The following AP2B1 variants were observed in gnomAD, a reference collection of about 807,000 sequenced individuals.
AP2B1 encodes the protein adaptor related protein complex 2 subunit beta 1.
A neutral mutation model predicts 102.0 loss-of-function variants in AP2B1; 23 were observed. The ratio of observed to expected loss-of-function variants is 0.23; its 90% confidence interval spans 0.16 to 0.32. The LOEUF (loss-of-function observed/expected upper bound fraction) is 0.32. Among genes scored for constraint, AP2B1 ranks in the 10% least tolerant of loss-of-function variants. The pLI, the probability that AP2B1 is intolerant of heterozygous loss-of-function variation, is 1.00. For synonymous variants in AP2B1, 381 were observed against 421.2 expected, an observed-to-expected ratio of 0.90 and a Z score of 1.17; for missense variants, 541 against 1,157.4, an observed-to-expected ratio of 0.47 and a Z score of 7.73.
intron 5 of AP2B1, among the ~76,000 whole-genome samples, chr17:35,622,885 C>T (rs547277772): frequency 1.3e-4 from 20 of 152,026 alleles, no homozygotes; most frequent in African/African-American, 4.3e-4. Flanking sequence ...AGGCTGGTCT[C>T]GAACTCCTGA....
chr17:35,720,141 A>G (rs1220892012), intron 21 of AP2B1, among the ~76,000 whole-genome samples: 2 of 152,176 alleles, frequency 1.3e-5, no homozygotes, highest in African/African-American at 4.8e-5. Context: ...AGGTGGCCCA[A>G]AAAGAGTGCT....
chr17:35,651,992 G>GT (rs2075098612), intron 13 of AP2B1, among the ~76,000 whole-genome samples: 1 of 152,178 alleles, frequency 6.6e-6, no homozygotes, highest in African/African-American at 2.4e-5. Context: ...AACCGTGTTT[G>GT]TATCTAGCCT....
chr17:35,590,032 TCTC>T (rs1216853423), intron 1 of AP2B1, among the ~76,000 whole-genome samples: 4 of 150,920 alleles, frequency 2.7e-5, no homozygotes, highest in Non-Finnish European at 4.4e-5. Flanking sequence ...TTCACACCAT[TCTC>T]CTGTCTCAGC....
At chr17:35,642,003 T>G (rs2074795704) in intron 12 of AP2B1, 28 bp downstream of exon 12, 2 of 1,523,056 alleles carry the variant, frequency 1.3e-6, no homozygotes, top group Non-Finnish European at 9.1e-7. Flanking sequence ...AGCAAGATGT[T>G]GATTTGTCTT....
At chr17:35,708,360 G>GCA (rs782414030) in intron 18 of AP2B1, among the ~76,000 whole-genome samples, 26 of 152,008 alleles carry the variant, frequency 1.7e-4, no homozygotes, top group Admixed American at 6.6e-5. Flanking sequence ...GCCTTATGAT[G>GCA]TGCTGCTGTG....
chr17:35,708,504 G>A (rs1180082796), intron 18 of AP2B1, among the ~76,000 whole-genome samples: 1 of 151,880 alleles, frequency 6.6e-6, no homozygotes, highest in Non-Finnish European at 1.5e-5. Context: ...TCATAGTCGA[G>A]AAGTTTGTAT....
At chr17:35,658,284 T>TC (rs1186879009) in intron 14 of AP2B1, among the ~76,000 whole-genome samples, 16 of 149,228 alleles carry the variant, frequency 1.1e-4, no homozygotes, top group South Asian at 1.1e-3. Flanking sequence ...TTCTTCTTCT[T>TC]TTTTTTTTTT....
At chr17:35,616,142 CTTTTTTTTTTTTTTTTTTTT>C (rs71152739) in intron 5 of AP2B1, among the ~76,000 whole-genome samples, 24 of 57,434 alleles carry the variant, frequency 4.2e-4, no homozygotes, top group Admixed American at 1.5e-3. Flanking sequence ...AAAAATATCT[CTTTTTTTTTTTTTTTTTTTT>C]TTTTTTTTTT....
chr17:35,707,386 C>G (rs1392597388), intron 18 of AP2B1, among the ~76,000 whole-genome samples: 1 of 150,916 alleles, frequency 6.6e-6, no homozygotes, highest in Non-Finnish European at 1.5e-5. Context: ...CTCCTGACCT[C>G]GTGATCTGCC....
chr17:35,678,010 C>T (rs1046745096), intron 17 of AP2B1, among the ~76,000 whole-genome samples: 2 of 151,946 alleles, frequency 1.3e-5, no homozygotes, highest in African/African-American at 2.4e-5. Flanking sequence ...GAGGCACCCG[C>T]CACCATGCCC....
chr17:35,625,583 C>A (rs1485266550), intron 6 of AP2B1, among the ~76,000 whole-genome samples: 1 of 152,010 alleles, frequency 6.6e-6, no homozygotes, highest in Admixed American at 6.6e-5. Context: ...CAGCAGTGAA[C>A]AAAGTCATGG....
At position 35,662,432 on chromosome 17, in the gene AP2B1, A is replaced by G. The variant is rs376046505; in HGVS notation, c.1989+4641A>G. Among the ~76,000 whole-genome samples the G allele has an allele frequency of 1.2e-4, 18 of 151,770 alleles. 1 individual carries two copies. Among genetic ancestry groups the G allele is most frequent in the East Asian group, 9.7e-4 (5 of 5,154 alleles). ...ATCTGCTCTACATGTAGAGCATGAC[A>G]GTTTACTAGTTAGGTATAGGCTTGC... is the stretch of plus-strand genomic sequence containing the variant. On this transcript the variant is annotated intron_variant, in intron 14 of 21. Transcript: ENST00000610402.
chr17:35,666,172 A>G (rs572860344), intron 14 of AP2B1, among the ~76,000 whole-genome samples: 1 of 152,266 alleles, frequency 6.6e-6, no homozygotes, highest in South Asian at 2.1e-4. Flanking sequence ...CTGGCTCTAC[A>G]GAGCTCATGT....
At chr17:35,594,319 T>C (rs117789363) in intron 2 of AP2B1, among the ~76,000 whole-genome samples, 9,532 of 152,264 alleles carry the variant, frequency 0.063, 417 homozygotes, top group Middle Eastern at 0.11. Flanking sequence ...TCTTTGCTGT[T>C]TGAGATGATC....
rs1382553571 is a variant in AP2B1 at position 35,726,095 on chromosome 17, G to A, written c.*2396G>A. 1 of 152,176 alleles carries A rather than the reference G, an allele frequency of 6.6e-6. No individual in the cohort carries two copies. The highest frequency in any genetic ancestry group is 1.5e-5 in the Non-Finnish European group (1 of 68,048). 9.4% of individuals were successfully genotyped at this position (152,176 alleles called of 1,614,324 possible). On this transcript the variant is annotated 3_prime_UTR_variant, in exon 22 of 22. Coordinates refer to ENST00000610402, the MANE Select transcript of AP2B1 (RefSeq NM_001030006.2). ...AAATTGGGGAAGTGGGATGGAGGTT[G>A]CCCTGCATCCCCCCTCCTCTGCCTG...
chr17:35,704,289 C>T (rs1384358170), intron 18 of AP2B1, among the ~76,000 whole-genome samples: 1 of 152,136 alleles, frequency 6.6e-6, no homozygotes, highest in African/African-American at 2.4e-5. Context: ...TATTATTTAA[C>T]TCAGTGATTT....
intron 9 of AP2B1, among the ~76,000 whole-genome samples, chr17:35,633,917 C>T (rs1013274433): frequency 2.6e-5 from 4 of 152,180 alleles, no homozygotes; most frequent in East Asian, 1.9e-4. Context: ...GAGGCCGAGG[C>T]GGGCGGATCA....
intron 20 of AP2B1, among the ~76,000 whole-genome samples, chr17:35,715,338 C>G (rs2076531731): frequency 1.3e-5 from 2 of 152,208 alleles, no homozygotes; most frequent in African/African-American, 2.4e-5. Flanking sequence ...AGCCTGTCAT[C>G]TCTTACATAG....
chr17:35,641,122 T>C (rs1403702525), intron 11 of AP2B1, among the ~76,000 whole-genome samples: 2 of 152,238 alleles, frequency 1.3e-5, no homozygotes, highest in African/African-American at 2.4e-5. Flanking sequence ...CAACTCCTAA[T>C]AGGCTGTAAT....
Sources: gnomAD v4.1 joint callset for allele counts (sites outside exome capture counted in the v4.1 genomes callset) on GRCh38, gnomAD v4.1.1 for gene constraint, MANE v1.5 for transcripts, NCBI Gene and HGNC (gene_info 2026-07-23, HGNC 2026-07-21) for gene names.